Variants in RAB35 observed in about 807,000 individuals in gnomAD.
RAB35 encodes ras-related protein Rab-35.
RAB35 carries 4 observed loss-of-function variants against 28.9 expected under a neutral mutation model. The ratio of observed to expected loss-of-function variants is 0.14; its 90% CI spans 0.07 to 0.32. RAB35 has a LOEUF of 0.32. Among genes scored for constraint, RAB35 ranks in the 10% least tolerant of loss-of-function variants. RAB35 has a pLI of 1.00. For synonymous variants in RAB35, 99 were observed against 105.1 expected (o/e 0.94, Z 0.35); for missense variants, 128 against 274.0 (o/e 0.47, Z 3.76).
At chr12:120,108,048 C>T (rs1018618674) in intron 2 of RAB35, among the ~76,000 whole-genome samples, 7 of 152,000 alleles carry the variant, frequency 4.6e-5, no homozygotes, top group African/African-American at 1.5e-4. Flanking sequence ...GCATGTGGAG[C>T]GCAGAAAGAA....
At chr12:120,101,707 A>G (rs1409532760) in intron 3 of RAB35, among the ~76,000 whole-genome samples, 1 of 152,068 alleles carries the variant, frequency 6.6e-6, no homozygotes, top group Non-Finnish European at 1.5e-5. Context: ...GGACTCTAAG[A>G]TGGAGCCACC....
At position 120,095,619 on chromosome 12, in the gene RAB35, G is replaced by GC. The variant is rs2139044142; in HGVS notation, c.*1625dup. ...AGGCTGCCTGCTGGTCAGCCCTGCAGCCCCCTCCACAGCACCCTCCTTCCC... is the reference window on the plus strand; with the variant it reads ...AGGCTGCCTGCTGGTCAGCCCTGCAGCCCCCCTCCACAGCACCCTCCTTCCC... On this transcript the variant is annotated 3_prime_UTR_variant, in exon 6 of 6. Transcript: ENST00000229340. 1 of 151,004 alleles carries GC rather than the reference G, an allele frequency of 6.6e-6. No homozygotes were observed. The highest frequency in any genetic ancestry group is 2.4e-5 in the African/African-American group (1 of 40,980). The allele number at this position is 151,004 out of a possible 1,614,324, so 9.4% of individuals were successfully genotyped here. A position where few individuals can be genotyped will look rare whatever the true frequency, so the allele number is the denominator to read the frequency against.
In RAB35 at chr12:120,108,474, G is replaced by A. The variant is rs751278195; in HGVS notation, c.53-7C>T. On this transcript the variant is annotated splice_region_variant and splice_polypyrimidine_tract_variant and intron_variant, in intron 1 of 5. Transcript: ENST00000229340. The stretch of plus-strand genomic sequence containing the variant: ...AAACTGCTCTTGCCCACACCTGCAA[G>A]AGAGAAAGCACTGCGATGAGGGGGG... 3 of 1,613,766 alleles carry A rather than the reference G, an allele frequency of 1.9e-6. No individual in the cohort carries two copies. In the South Asian group the frequency reaches 3.3e-5, roughly 18 times the overall value.
At position 120,097,321 on chromosome 12, in the gene RAB35, G is replaced by A. The variant is rs749442560; in HGVS notation, c.530C>T (p.Ala177Val). 30 of 1,613,602 alleles carry A rather than the reference G, an allele frequency of 1.9e-5. No individual in the cohort carries two copies. In the East Asian group the frequency reaches 6.5e-4, roughly 35 times the overall value. Residue 177 changes from alanine (A) to valine (V), a missense_variant, in exon 6 of 6, where the codon GCA (alanine) becomes GTA (valine). Physicochemically the swap from Ala to Val is moderately conservative, Grantham distance 64. Coordinates refer to ENST00000229340, the MANE Select transcript of RAB35 (RefSeq NM_006861.7). ...GTTCTGTTGTTGCTGCTGCTGTTTT[G>A]CCAGGTTGTCTTTCTTTGCTCGGAG... ...LVLRAKKDNL[A>V]KQQQQQQNDV...
In RAB35 at chr12:120,116,589, C is replaced by T; in HGVS notation, c.52+10G>A. On this transcript the variant is annotated intron_variant, in intron 1 of 5. Transcript: ENST00000229340. The stretch of plus-strand genomic sequence containing the variant: ...GGGCCCGCGCCGCCTCCGGCCGCTG[C>T]GGCCCTCACCGCTGTCGCCGATGAT... 8.4e-7 allele frequency: 1 copy of T among 1,188,420 alleles called. No individual in the cohort carries two copies. The highest frequency in any genetic ancestry group is 1.0e-6 in the Non-Finnish European group (1 of 960,240). The allele number at this position is 1,188,420 out of a possible 1,614,324, so 73.6% of individuals were successfully genotyped here.
intron 2 of RAB35, among the ~76,000 whole-genome samples, chr12:120,105,689 C>T (rs1342210512): frequency 2.6e-5 from 4 of 151,958 alleles, no homozygotes; most frequent in African/African-American, 4.8e-5. Context: ...TCTGGGAGGC[C>T]GAGGTGGGCA....
intron 5 of RAB35, among the ~76,000 whole-genome samples, 182 bp from the exon 6 acceptor site, chr12:120,097,555 G>A (rs1204528422): frequency 6.6e-6 from 1 of 152,182 alleles, no homozygotes. Flanking sequence ...GGTCAAAAAG[G>A]AACAACATTG....
chr12:120,099,338 G>T, intron 3 of RAB35, 184 bp from the exon 4 acceptor site: 1 of 772,844 alleles, frequency 1.3e-6, no homozygotes, highest in Non-Finnish European at 2.0e-6. Context: ...GGCTACTGCG[G>T]CAGCACTGAC....
intron 3 of RAB35, among the ~76,000 whole-genome samples, chr12:120,102,762 T>C (rs1875710009): frequency 6.6e-6 from 1 of 152,160 alleles, no homozygotes; most frequent in Non-Finnish European, 1.5e-5. Flanking sequence ...CGGGCTTTCA[T>C]GCTGTGGGAA....
rs1163056397 is a variant in RAB35, at chr12:120,099,306, G to C, written c.228-152C>G. 9 of 942,992 alleles carry C rather than the reference G, an allele frequency of 9.5e-6. No individual in the cohort carries two copies. The African/African-American group carries it at 1.5e-4, about 16-fold the overall frequency. The allele number at this position is 942,992 out of a possible 1,614,324, so 58.4% of individuals were successfully genotyped here. On this transcript the variant is annotated intron_variant, in intron 3 of 5. Transcript: ENST00000229340. ...ACTCAGCCTCGGCAGATGCCCCCGA[G>C]CCACAACAGGCCAGCAGGAGAGGCT...
rs7312244 is a variant in RAB35 at position 120,096,343 on chromosome 12, A to G, written c.*902T>C. ...GGCCTCAACTTTTGCTGCTGTGCCA[A>G]TCAAACCTCAGGGAAAGAAAATAAT... On this transcript the variant is annotated 3_prime_UTR_variant, in exon 6 of 6. Coordinates refer to ENST00000229340, the MANE Select transcript of RAB35 (RefSeq NM_006861.7). The G allele has an allele frequency of 7.5e-4, 857 of 1,144,958 alleles. 4 individuals are homozygous for G. The African/African-American group carries it at 0.01, about 14-fold the overall frequency. The allele number at this position is 1,144,958 out of a possible 1,614,324, so 70.9% of individuals were successfully genotyped here. A position where few individuals can be genotyped will look rare whatever the true frequency, so the allele number is the denominator to read the frequency against.
intron 2 of RAB35, among the ~76,000 whole-genome samples, chr12:120,107,000 GT>G (rs1400371775): frequency 1.3e-5 from 2 of 150,798 alleles, no homozygotes; most frequent in African/African-American, 4.9e-5. Context: ...TTTTTTTGTT[GT>G]TTTTTGAGAT....
At chr12:120,116,497 G>A (rs1406722962) in intron 1 of RAB35, 102 bp downstream of exon 1, 2 of 422,388 alleles carry the variant, frequency 4.7e-6, no homozygotes, top group Non-Finnish European at 6.3e-6. Context: ...CCGCCCGCCC[G>A]CCCCGCACGG....
chr12:120,112,831 C>T (rs1876174827), intron 1 of RAB35, among the ~76,000 whole-genome samples: 1 of 151,056 alleles, frequency 6.6e-6, no homozygotes, highest in African/African-American at 2.4e-5. Context: ...TTAAAACAAT[C>T]TTCCTGTCTC....
intron 3 of RAB35, among the ~76,000 whole-genome samples, chr12:120,100,327 G>A (rs1566282683): frequency 6.6e-6 from 1 of 152,246 alleles, no homozygotes; most frequent in Non-Finnish European, 1.5e-5. Flanking sequence ...GCTGGCCCTT[G>A]GGAAGGTGCC....
chr12:120,105,437 C>T (rs911957254), intron 2 of RAB35, among the ~76,000 whole-genome samples: 4 of 152,200 alleles, frequency 2.6e-5, no homozygotes, highest in East Asian at 1.9e-4. Flanking sequence ...GCCAGAAAGG[C>T]GAACTGAAAA....
At chr12:120,114,134 C>G (rs1379894070) in intron 1 of RAB35, among the ~76,000 whole-genome samples, 1 of 152,198 alleles carries the variant, frequency 6.6e-6, no homozygotes, top group Non-Finnish European at 1.5e-5. Flanking sequence ...ATTCTTGTCG[C>G]CCAGGCTGGA....
Position 120,096,340 on chromosome 12 carries a change from C to T in RAB35, c.*905G>A. ...GGTGGCCTCAACTTTTGCTGCTGTG[C>T]CAATCAAACCTCAGGGAAAGAAAAT... On this transcript the variant is annotated 3_prime_UTR_variant, in exon 6 of 6. Coordinates refer to ENST00000229340, the MANE Select transcript of RAB35 (RefSeq NM_006861.7). 9.1e-7 allele frequency: 1 copy of T among 1,098,818 alleles called. No homozygotes were observed. The highest frequency in any genetic ancestry group is 1.2e-6 in the Non-Finnish European group (1 of 847,818). 68.1% of individuals were successfully genotyped at this position (1,098,818 alleles called of 1,614,324 possible). A position where few individuals can be genotyped will look rare whatever the true frequency, so the allele number is the denominator to read the frequency against.
intron 2 of RAB35, 103 bp from the exon 3 acceptor site, chr12:120,104,052 T>C: frequency 6.9e-7 from 1 of 1,458,454 alleles, no homozygotes; most frequent in Admixed American, 2.0e-5. Flanking sequence ...CCCTCCCGAC[T>C]CATTACATGT....
Sources: gnomAD v4.1 joint callset for allele counts (sites outside exome capture counted in the v4.1 genomes callset) on GRCh38, gnomAD v4.1.1 for gene constraint, MANE v1.5 for transcripts, NCBI Gene and HGNC (gene_info 2026-07-23, HGNC 2026-07-21) for gene names.